Variants in KIAA1586 observed in about 807,000 individuals in gnomAD.
KIAA1586 encodes KIAA1586.
A neutral mutation model predicts 6.1 loss-of-function variants in KIAA1586; 5 were observed. That is an observed-to-expected ratio of 0.82 (90% CI 0.43 to 1.73). The LOEUF (loss-of-function observed/expected upper bound fraction) is 1.73. Among genes scored for constraint, KIAA1586 ranks in the 40% most tolerant of loss-of-function variants. The pLI is 0.02. For synonymous variants in KIAA1586, 280 were observed against 301.7 expected, an observed-to-expected ratio of 0.93 and a Z score of 0.75; for missense variants, 899 against 878.2, an observed-to-expected ratio of 1.02 and a Z score of -0.30.
chr6:57,054,418 C>T lies in KIAA1586; in HGVS notation c.1919C>T (p.Pro640Leu). The stretch of plus-strand genomic sequence containing the variant: ...GATTTGCTGGAACCTTCCACATGGC[C>T]TTATGAAGAAATAACTTCACCATGG... The part of the protein sequence containing the change: ...YFDLLEPSTW[P>L]YEEITSPWIA... Residue 640 changes from proline to leucine, a missense_variant, in exon 4 of 4, where the codon CCT becomes CTT. Physicochemically the swap from Pro to Leu is moderately conservative, Grantham distance 98. Coordinates refer to ENST00000370733, the MANE Select transcript of KIAA1586 (RefSeq NM_020931.4). 2 of 1,609,578 alleles carry T rather than the reference C, an allele frequency of 1.2e-6. No homozygotes were observed. Among genetic ancestry groups the T allele is most frequent in the Non-Finnish European group, 1.7e-6 (2 of 1,178,002 alleles).
At chr6:57,061,040 C>T in the KIAA1586 span, among the ~76,000 whole-genome samples, 6 of 151,520 alleles carry the variant, frequency 4.0e-5, no homozygotes, top group Admixed American at 2.0e-4. Context: ...TACAATGGCG[C>T]GATCTTGGCT....
At chr6:57,050,738 G>A (rs371224620) in intron 2 of KIAA1586, 36 bp from the exon 3 acceptor site, 6 of 1,395,932 alleles carry the variant, frequency 4.3e-6, no homozygotes, top group African/African-American at 2.9e-5. Context: ...TGGAATGATT[G>A]TTCATGACTT....
chr6:57,049,389 A>G (rs527639514), intron 2 of KIAA1586, among the ~76,000 whole-genome samples: 1 of 152,196 alleles, frequency 6.6e-6, no homozygotes, highest in East Asian at 1.9e-4. Flanking sequence ...AGATTAAAAG[A>G]AAAAAAAGTT....
At chr6:57,066,275 T>TA in the KIAA1586 span, among the ~76,000 whole-genome samples, 11 of 151,194 alleles carry the variant, frequency 7.3e-5, no homozygotes, top group African/African-American at 2.2e-4. Context: ...AGACTCCATC[T>TA]AAAAAAAAAG....
chr6:57,061,680 A>G, the KIAA1586 span, among the ~76,000 whole-genome samples: 1 of 152,068 alleles, frequency 6.6e-6, no homozygotes, highest in African/African-American at 2.4e-5. Context: ...GTGAGCCCCC[A>G]CATTCAGCCT....
Position 57,053,639 on chromosome 6 carries a change from G to T in KIAA1586, c.1140G>T (p.Leu380Phe). Residue 380 changes from leucine to phenylalanine, a missense_variant, in exon 4 of 4, where the codon TTG (leucine) becomes TTT (phenylalanine). Leu to Phe is a conservative substitution (Grantham distance 22). Coordinates refer to ENST00000370733, the MANE Select transcript of KIAA1586 (RefSeq NM_020931.4). Reference sequence around the variant, plus strand: ...ATTGTGGTTTTACAAATGAATATTTGAAAGCAAATTTAATTGCATTTTGTT... The same window carrying T: ...ATTGTGGTTTTACAAATGAATATTTTAAAGCAAATTTAATTGCATTTTGTT... Reference protein sequence around the residue: ...LNDCGFTNEYLKANLIAFCSD... With the variant: ...LNDCGFTNEYFKANLIAFCSD... 1 of 1,611,708 alleles carries T rather than the reference G, an allele frequency of 6.2e-7. No homozygotes were observed. The highest frequency in any genetic ancestry group is 8.5e-7 in the Non-Finnish European group (1 of 1,178,332).
At position 57,050,839 on chromosome 6, in the gene KIAA1586, C is replaced by A; in HGVS notation, c.171C>A (p.Ser57Arg). 6.2e-7 allele frequency: 1 copy of A among 1,610,416 alleles called. No individual in the cohort carries two copies. Among genetic ancestry groups the A allele is most frequent in the Non-Finnish European group, 8.5e-7 (1 of 1,176,920 alleles). Reference protein sequence around the residue: ...DLVCGDDENPSAYYSDILFPK... With the variant: ...DLVCGDDENPRAYYSDILFPK... The stretch of plus-strand genomic sequence containing the variant: ...TCTGTGGTGATGATGAAAACCCTAG[C>A]GCCTATTATAGTGATGTAAGCACAT... The change falls in exon 3 of 4, where the codon AGC becomes AGA. Residue 57 changes from serine to arginine, a missense_variant. Ser to Arg is a moderately radical substitution (Grantham distance 110, BLOSUM62 -1). Transcript: ENST00000370733.
Position 57,052,857 on chromosome 6 carries a change from C to G in KIAA1586, c.358C>G (p.Pro120Ala). Reference protein sequence around the residue: ...YIEQPIIEEKPSLSSKKEIDN... With the variant: ...YIEQPIIEEKASLSSKKEIDN... ...TGAACAACCAATCATTGAAGAAAAG[C>G]CATCACTTTCATCAAAGAAAGAAAT... The change falls in exon 4 of 4, where the codon CCA (proline) becomes GCA (alanine). Residue 120 changes from proline to alanine, a missense_variant. Pro to Ala is a conservative substitution (Grantham distance 27, BLOSUM62 -1). Transcript: ENST00000370733. 6.2e-7 allele frequency: 1 copy of G among 1,612,758 alleles called. No individual in the cohort carries two copies. Among genetic ancestry groups the G allele is most frequent in the Non-Finnish European group, 8.5e-7 (1 of 1,179,406 alleles).
the KIAA1586 span, among the ~76,000 whole-genome samples, chr6:57,065,678 A>T: frequency 6.6e-6 from 1 of 152,066 alleles, no homozygotes; most frequent in East Asian, 1.9e-4. Context: ...CTAGAGACGG[A>T]GTCTCACTAC....
chr6:57,054,562 C>T lies in KIAA1586; in HGVS notation c.2063C>T (p.Thr688Ile), dbSNP rs1828450175. 4.4e-6 allele frequency: 7 copies of T among 1,606,794 alleles called. No homozygotes were observed. The highest frequency in any genetic ancestry group is 6.0e-6 in the Non-Finnish European group (7 of 1,175,838). The change falls in exon 4 of 4, where the codon ACA becomes ATA. Residue 688 changes from threonine (T) to isoleucine (I), a missense_variant. Coordinates refer to ENST00000370733, the MANE Select transcript of KIAA1586 (RefSeq NM_020931.4). ...NIKSNNVSIP[T>I]TIYKAKKIVS... ...AAATCAAACAATGTTTCAATTCCTA[C>T]AACTATATACAAAGCTAAAAAGATA...
chr6:57,052,904 T>C lies in KIAA1586; in HGVS notation c.405T>C (p.Asp135=), dbSNP rs886860248. ...KKEIDNLVLP[D]CWNEKQAFMF... ...AAATAGATAATCTTGTGCTTCCAGA[T>C]TGTTGGAATGAAAAACAAGCATTTA... The change falls in exon 4 of 4, where the codon GAT becomes GAC. Residue 135 remains aspartate (D), a synonymous_variant. Coordinates refer to ENST00000370733, the MANE Select transcript of KIAA1586 (RefSeq NM_020931.4). The C allele has an allele frequency of 6.2e-7, 1 of 1,612,302 alleles. No individual in the cohort carries two copies. Among genetic ancestry groups the C allele is most frequent in the Non-Finnish European group, 8.5e-7 (1 of 1,179,356 alleles).
rs1828370267 is a variant in KIAA1586, at chr6:57,052,894, T to A, written c.395T>A (p.Val132Glu). 1 of 1,612,536 alleles carries A rather than the reference T, an allele frequency of 6.2e-7. No individual in the cohort carries two copies. The highest frequency in any genetic ancestry group is 8.5e-7 in the Non-Finnish European group (1 of 1,179,448). The change falls in exon 4 of 4, where the codon GTG (valine) becomes GAG (glutamate). Residue 132 changes from valine to glutamate, a missense_variant. By Grantham distance (121) the Val-to-Glu change is moderately radical. Transcript: ENST00000370733. ...LSSKKEIDNLVLPDCWNEKQA... is the reference protein window; with the variant it reads ...LSSKKEIDNLELPDCWNEKQA... ...TCAAAGAAAGAAATAGATAATCTTG[T>A]GCTTCCAGATTGTTGGAATGAAAAA...
chr6:57,050,030 G>A (rs546964278), intron 2 of KIAA1586, among the ~76,000 whole-genome samples: 8 of 151,974 alleles, frequency 5.3e-5, no homozygotes, highest in Non-Finnish European at 1.2e-4. Context: ...GGGCCAGGGG[G>A]TGGGTTTTTC....
At chr6:57,058,084 C>T (rs948948406), downstream of KIAA1586, among the ~76,000 whole-genome samples, 3 of 151,898 alleles carry the variant, frequency 2.0e-5, no homozygotes, top group African/African-American at 4.8e-5. Context: ...TGTGAGCCAC[C>T]GCGCCCATCT....
At chr6:57,061,407 T>C in the KIAA1586 span, among the ~76,000 whole-genome samples, 1 of 152,198 alleles carries the variant, frequency 6.6e-6, no homozygotes, top group East Asian at 1.9e-4. Context: ...TTTATTTATC[T>C]ATTGAGACAG....
At position 57,052,842 on chromosome 6, in the gene KIAA1586, A is replaced by G. The variant is rs765863427; in HGVS notation, c.343A>G (p.Ile115Val). ...ACATTTCGAGTATATTGAACAACCA[A>G]TCATTGAAGAAAAGCCATCACTTTC... is the stretch of plus-strand genomic sequence containing the variant. ...EPHFEYIEQP[I>V]IEEKPSLSSK... Residue 115 changes from isoleucine (I) to valine (V), a missense_variant, in exon 4 of 4, where the codon ATC (isoleucine) becomes GTC (valine). Physicochemically the swap from Ile to Val is conservative, Grantham distance 29. Transcript: ENST00000370733. 5.0e-6 allele frequency: 8 copies of G among 1,613,306 alleles called. No homozygotes were observed. In the Admixed American group the frequency reaches 1.2e-4, roughly 24 times the overall value.
downstream of KIAA1586, among the ~76,000 whole-genome samples, chr6:57,056,079 TGTG>T (rs1279484794): frequency 4.6e-5 from 7 of 152,004 alleles, no homozygotes; most frequent in African/African-American, 1.7e-4. Context: ...GACAGAGTCT[TGTG>T]GTGTCACCCA....
At chr6:57,060,566 T>C in the KIAA1586 span, among the ~76,000 whole-genome samples, 1 of 152,196 alleles carries the variant, frequency 6.6e-6, no homozygotes, top group African/African-American at 2.4e-5. Context: ...CTCCCCACTT[T>C]GTTCAGGATA....
Position 57,046,708 on chromosome 6 carries a change from A to G in KIAA1586, c.-48A>G, listed in dbSNP as rs374782893. 99 of 1,609,726 alleles carry G rather than the reference A, an allele frequency of 6.2e-5. No homozygotes were observed. Among genetic ancestry groups the G allele is most frequent in the African/African-American group, 5.2e-4 (39 of 74,924 alleles). On this transcript the variant is annotated 5_prime_UTR_variant, in exon 1 of 4. Coordinates refer to ENST00000370733, the MANE Select transcript of KIAA1586 (RefSeq NM_020931.4). ...GAAGGGGAGTGGTGGCGGCTGCGGCAGTAGGGACAGCAGGAGCAGTGGTGC... is the reference window on the plus strand; with the variant it reads ...GAAGGGGAGTGGTGGCGGCTGCGGCGGTAGGGACAGCAGGAGCAGTGGTGC...
Sources: gnomAD v4.1 joint callset for allele counts (sites outside exome capture counted in the v4.1 genomes callset) on GRCh38, gnomAD v4.1.1 for gene constraint, MANE v1.5 for transcripts, NCBI Gene and HGNC (gene_info 2026-07-23, HGNC 2026-07-21) for gene names.